The following OR7C1 variants were observed in gnomAD, a reference collection of about 807,000 sequenced individuals.
The protein encoded by OR7C1 is olfactory receptor 7C1.
For missense variants in OR7C1, 324 were observed against 383.3 expected (o/e 0.85, Z 1.29); for synonymous variants, 152 against 160.7 (o/e 0.95, Z 0.41).
chr19:14,799,994 G>A lies in OR7C1; in HGVS notation c.143C>T (p.Ala48Val), dbSNP rs535439693. The change falls in exon 5 of 5, where the codon GCC becomes GTC. Residue 48 changes from alanine (A) to valine (V), a missense_variant. Coordinates refer to ENST00000641666, the Ensembl canonical transcript of OR7C1. The stretch of plus-strand genomic sequence containing the variant: ...GTGGAGGTGGGAGTCTGAGCATATG[G>A]CCAGGATGATGAGCAGGTTCCCGGT... The A allele has an allele frequency of 1.1e-5, 18 of 1,614,104 alleles. No homozygotes were observed. The highest frequency in any genetic ancestry group is 3.3e-4 in the Middle Eastern group (2 of 6,062).
intron 1 of OR7C1, among the ~76,000 whole-genome samples, chr19:14,815,661 T>C (rs1457599550): frequency 6.6e-6 from 1 of 152,126 alleles, no homozygotes; most frequent in East Asian, 1.9e-4. Flanking sequence ...ATGTTTCCCT[T>C]AGTTTAGAAG....
chr19:14,809,218 A>G (rs894495912), intron 2 of OR7C1, among the ~76,000 whole-genome samples: 1 of 151,974 alleles, frequency 6.6e-6, no homozygotes, highest in Non-Finnish European at 1.5e-5. Flanking sequence ...GTCAGGTTCT[A>G]GAGGGAAAAC....
chr19:14,833,998 G>A (rs958187716), intron 1 of OR7C1, among the ~76,000 whole-genome samples: 3 of 152,190 alleles, frequency 2.0e-5, no homozygotes, highest in Admixed American at 1.3e-4. Flanking sequence ...GGTGGCACAC[G>A]TCTGCAATCC....
intron 1 of OR7C1, among the ~76,000 whole-genome samples, chr19:14,831,591 C>T (rs2044832858): frequency 6.6e-6 from 1 of 152,020 alleles, no homozygotes; most frequent in Non-Finnish European, 1.5e-5. Context: ...ATTACAGGTG[C>T]CCGCCACTGT....
intron 1 of OR7C1, among the ~76,000 whole-genome samples, chr19:14,814,828 C>T (rs2044708811): frequency 6.6e-6 from 1 of 152,132 alleles, no homozygotes; most frequent in Non-Finnish European, 1.5e-5. Flanking sequence ...AGGTCAAACA[C>T]ACCTCGTTAT....
rs370965814 is a variant in OR7C1 at position 14,803,177 on chromosome 19, C to A, written c.-434-2413G>T. Among the ~76,000 whole-genome samples the A allele has an allele frequency of 1.4e-4, 21 of 151,812 alleles. 1 individual carries two copies. The highest frequency in any genetic ancestry group is 5.1e-4 in the African/African-American group (21 of 41,392). The stretch of plus-strand genomic sequence containing the variant: ...CAAAAATTAGCTGGGTGTGGTGGTG[C>A]GCATCTGTAATCCCAGCTACTTGGG... On this transcript the variant is annotated intron_variant, in intron 2 of 4. Coordinates refer to ENST00000641666, the Ensembl canonical transcript of OR7C1.
intron 1 of OR7C1, chr19:14,827,926 G>C: frequency 6.2e-7 from 1 of 1,614,188 alleles, no homozygotes; most frequent in African/African-American, 1.3e-5. Context: ...CCAGCAAAGA[G>C]TATGAAAAAA....
chr19:14,799,722 G>A lies in OR7C1; in HGVS notation c.415C>T (p.Gln139Ter). The A allele has an allele frequency of 4.3e-6, 7 of 1,614,080 alleles. No homozygotes were observed. Among genetic ancestry groups the A allele is most frequent in the Non-Finnish European group, 5.9e-6 (7 of 1,180,022 alleles). ...CCCAGAACCAGCAGTCCACAGAGCT[G>A]GGGGTTCATGATGACCGTATAGTGC... The change falls in exon 5 of 5, where the codon CAG (glutamine) becomes TAG (stop). Residue 139 changes from glutamine (Q) to a stop codon, truncating the protein, a stop_gained. Coordinates refer to ENST00000641666, the Ensembl canonical transcript of OR7C1. LOFTEE classifies it low-confidence loss of function (END_TRUNC).
At chr19:14,810,706 G>T (rs1281458867) in intron 1 of OR7C1, among the ~76,000 whole-genome samples, 1 of 151,808 alleles carries the variant, frequency 6.6e-6, no homozygotes, top group Non-Finnish European at 1.5e-5. Flanking sequence ...CTTAACTGCA[G>T]CTTTGTCCTG....
chr19:14,811,531 A>T (rs1191572354), intron 1 of OR7C1, among the ~76,000 whole-genome samples: 1 of 151,908 alleles, frequency 6.6e-6, no homozygotes, highest in East Asian at 1.9e-4. Context: ...CTCTTCATCC[A>T]AATAAGGCTA....
chr19:14,818,980 CAT>C (rs2044729089), intron 1 of OR7C1, among the ~76,000 whole-genome samples: 1 of 152,060 alleles, frequency 6.6e-6, no homozygotes, highest in Non-Finnish European at 1.5e-5. Context: ...CATATGTACA[CAT>C]GTGCCATGTT....
chr19:14,832,176 C>A (rs1161097336), intron 1 of OR7C1, among the ~76,000 whole-genome samples: 1 of 151,848 alleles, frequency 6.6e-6, no homozygotes, highest in African/African-American at 2.4e-5. Flanking sequence ...TCCCAAAGTG[C>A]TGGAATTATA....
intron 2 of OR7C1, among the ~76,000 whole-genome samples, chr19:14,803,854 C>T (rs1406357473): frequency 1.3e-5 from 2 of 151,784 alleles, no homozygotes; most frequent in South Asian, 2.1e-4. Flanking sequence ...GGACTACAGG[C>T]GCGTGCCACA....
chr19:14,824,696 G>C (rs1319216682), intron 1 of OR7C1: 1 of 152,170 alleles, frequency 6.6e-6, no homozygotes, highest in African/African-American at 2.4e-5. Context: ...ATGGGTGAAT[G>C]AGTCCTTTTG....
intron 1 of OR7C1, among the ~76,000 whole-genome samples, chr19:14,814,334 TA>T (rs1412982672): frequency 6.8e-6 from 1 of 147,978 alleles, no homozygotes; most frequent in Non-Finnish European, 1.5e-5. Flanking sequence ...TCAATAGCAA[TA>T]AAACATATAT....
chr19:14,829,198 G>A (rs1156959271), intron 1 of OR7C1, among the ~76,000 whole-genome samples: 1 of 152,136 alleles, frequency 6.6e-6, no homozygotes, highest in Non-Finnish European at 1.5e-5. Flanking sequence ...TTTGAGGGAT[G>A]TGCTTCTTTC....
chr19:14,805,279 A>G (rs1055665763), intron 2 of OR7C1, among the ~76,000 whole-genome samples: 1 of 151,748 alleles, frequency 6.6e-6, no homozygotes, highest in Non-Finnish European at 1.5e-5. Context: ...CTCAAGGGGA[A>G]TGAGATGCAC....
intron 1 of OR7C1, among the ~76,000 whole-genome samples, chr19:14,817,517 C>A (rs763680648): frequency 6.6e-5 from 10 of 152,274 alleles, no homozygotes; most frequent in Admixed American, 5.9e-4. Context: ...TTCAGACTTC[C>A]ATCTGGAGAT....
chr19:14,803,172 T>C (rs1311512358), intron 2 of OR7C1, among the ~76,000 whole-genome samples: 1 of 151,770 alleles, frequency 6.6e-6, no homozygotes, highest in Admixed American at 6.6e-5. Context: ...CTGGGTGTGG[T>C]GGTGCGCATC....
Sources: gnomAD v4.1 joint callset for allele counts (sites outside exome capture counted in the v4.1 genomes callset) on GRCh38, gnomAD v4.1.1 for gene constraint, MANE v1.5 for transcripts, NCBI Gene and HGNC (gene_info 2026-07-23, HGNC 2026-07-21) for gene names.